PDK1: variants seen among roughly 807,000 people sequenced by gnomAD.
PDK1 encodes [Pyruvate dehydrogenase (acetyl-transferring)] kinase isozyme 1, mitochondrial.
In PDK1, 39 loss-of-function variants were observed where a neutral mutation model predicts 54.2. The ratio of observed to expected loss-of-function variants is 0.72; its 90% CI spans 0.56 to 0.94. PDK1 has a LOEUF of 0.94. Ranked by LOEUF, PDK1 falls within the 40% of genes least tolerant of loss-of-function variation. PDK1 has a pLI of 0.00. For synonymous variants in PDK1, 221 were observed against 207.1 expected (o/e 1.07, Z -0.58); for missense variants, 552 against 566.0 (o/e 0.98, Z 0.25).
chr2:172,661,466 T>C, the PDK1 span, among the ~76,000 whole-genome samples: 22,583 of 152,206 alleles, frequency 0.15, 2,942 homozygotes, highest in East Asian at 0.53. Flanking sequence ...TACTGCTACA[T>C]GTCCTGCCCA....
chr2:172,692,726 T>C, the PDK1 span, among the ~76,000 whole-genome samples: 1 of 152,164 alleles, frequency 6.6e-6, no homozygotes, highest in Non-Finnish European at 1.5e-5. Context: ...CATGAGGTGA[T>C]GCCAGGGCGT....
At chr2:172,654,665 CAAGTT>C in the PDK1 span, among the ~76,000 whole-genome samples, 1 of 152,060 alleles carries the variant, frequency 6.6e-6, no homozygotes, top group Non-Finnish European at 1.5e-5. Context: ...ATGTAAATGA[CAAGTT>C]AACGAGTGCA....
the PDK1 span, among the ~76,000 whole-genome samples, chr2:172,632,991 A>AAAAAAAAAAAAAAAAAACAAAAAAC: frequency 5.3e-3 from 788 of 147,430 alleles, 38 homozygotes; most frequent in African/African-American, 0.02. Flanking sequence ...AAAAAAAAAA[A>AAAAAAAAAAAAAAAAAACAAAAAAC]AAGGAACATA....
the PDK1 span, among the ~76,000 whole-genome samples, chr2:172,647,800 C>G: frequency 7.0e-6 from 1 of 142,496 alleles, no homozygotes; most frequent in Admixed American, 7.4e-5. Flanking sequence ...GTTTCAAAGT[C>G]TTTACCACAA....
the PDK1 span, among the ~76,000 whole-genome samples, chr2:172,621,925 A>G: frequency 6.7e-6 from 1 of 148,710 alleles, no homozygotes; most frequent in South Asian, 2.1e-4. Flanking sequence ...CCTATATGAT[A>G]TATGTTTATA....
At chr2:172,647,779 A>G in the PDK1 span, among the ~76,000 whole-genome samples, 1 of 152,096 alleles carries the variant, frequency 6.6e-6, no homozygotes, top group East Asian at 1.9e-4. Context: ...GAGAAACAGA[A>G]TAGTTGCAGA....
the PDK1 span, chr2:172,723,649 C>T: frequency 6.6e-6 from 1 of 152,128 alleles, no homozygotes; most frequent in East Asian, 1.9e-4. Flanking sequence ...TCCATTGAGT[C>T]CTGGATAACA....
the PDK1 span, among the ~76,000 whole-genome samples, chr2:172,687,613 G>T: frequency 6.6e-6 from 1 of 152,110 alleles, no homozygotes; most frequent in Non-Finnish European, 1.5e-5. Flanking sequence ...AGGCATGGTG[G>T]ATTACATGGT....
At chr2:172,683,874 G>A in the PDK1 span, among the ~76,000 whole-genome samples, 18 of 152,202 alleles carry the variant, frequency 1.2e-4, no homozygotes, top group Admixed American at 4.6e-4. Context: ...GTACTTAGAT[G>A]TTCAGGGCCT....
chr2:172,562,692 C>G (rs144077428), intron 3 of PDK1: 18,966 of 1,016,898 alleles, frequency 0.019, 309 homozygotes, highest in South Asian at 0.05. Flanking sequence ...TGTAAAATCT[C>G]TCACTTTTGA....
chr2:172,711,662 C>T, the PDK1 span, among the ~76,000 whole-genome samples: 1 of 151,844 alleles, frequency 6.6e-6, no homozygotes. Flanking sequence ...TCCAGGAACT[C>T]GAGACCAGTC....
chr2:172,673,721 T>C, the PDK1 span, among the ~76,000 whole-genome samples: 1 of 152,186 alleles, frequency 6.6e-6, no homozygotes, highest in Non-Finnish European at 1.5e-5. Context: ...GTCTGACATA[T>C]TGATAAAAGG....
the PDK1 span, among the ~76,000 whole-genome samples, chr2:172,696,867 A>T: frequency 6.6e-6 from 1 of 152,196 alleles, no homozygotes; most frequent in Non-Finnish European, 1.5e-5. Flanking sequence ...AAAGTGTTAC[A>T]CACCTTTGAA....
At chr2:172,586,486 C>T in intron 9 of PDK1, 98 bp downstream of exon 9, 1 of 645,922 alleles carries the variant, frequency 1.5e-6, no homozygotes, top group Non-Finnish European at 2.8e-6. Flanking sequence ...TAGGGTACTC[C>T]ACAAGGAAGA....
intron 9 of PDK1, among the ~76,000 whole-genome samples, chr2:172,587,181 G>A (rs1690279654): frequency 6.6e-6 from 1 of 152,218 alleles, no homozygotes; most frequent in South Asian, 2.1e-4. Context: ...CTGACTTCAA[G>A]AATGAAGCTG....
chr2:172,658,848 C>T, the PDK1 span, among the ~76,000 whole-genome samples: 7 of 152,272 alleles, frequency 4.6e-5, no homozygotes, highest in African/African-American at 1.7e-4. Context: ...TGCTCTCAAA[C>T]CCTGTTTTCT....
At position 172,556,190 on chromosome 2, in the gene PDK1, G is replaced by A. The variant is rs1396488536; in HGVS notation, c.40G>A (p.Gly14Ser). 7.1e-7 allele frequency: 1 copy of A among 1,416,808 alleles called. No individual in the cohort carries two copies. The highest frequency in any genetic ancestry group is 1.5e-5 in the South Asian group (1 of 67,588). The allele number at this position is 1,416,808 out of a possible 1,614,324, so 87.8% of individuals were successfully genotyped here. The change falls in exon 1 of 11, where the codon GGC (glycine) becomes AGC (serine). Residue 14 changes from glycine (G) to serine (S), a missense_variant. Physicochemically the swap from Gly to Ser is moderately conservative, Grantham distance 56 (BLOSUM62 0). Coordinates refer to ENST00000282077, the MANE Select transcript of PDK1 (RefSeq NM_002610.5). ...ARLLRGAALA[G>S]PGPGLRAAGF... is the part of the protein sequence containing the mutation. ...GCTGCTTCGCGGAGCCGCCTTGGCC[G>A]GCCCGGGCCCGGGGCTGCGCGCCGC...
In PDK1 at chr2:172,606,974, TA is replaced by T. The variant is rs1389806084; in HGVS notation, c.*11006del. ...GGGTCTTATTCCTGGGATCTTTCTC[TA>T]CAGTGGTATGATTATATAAGGGTGG... On this transcript the variant is annotated 3_prime_UTR_variant, in exon 11 of 11. Coordinates refer to ENST00000282077, the MANE Select transcript of PDK1 (RefSeq NM_002610.5). 5.3e-5 allele frequency: 8 copies of T among 152,218 alleles called. No individual in the cohort carries two copies. Among genetic ancestry groups the T allele is most frequent in the Non-Finnish European group, 1.0e-4 (7 of 68,040 alleles). The allele number at this position is 152,218 out of a possible 1,614,324, so 9.4% of individuals were successfully genotyped here. A position where few individuals can be genotyped will look rare whatever the true frequency, so the allele number is the denominator to read the frequency against.
chr2:172,557,655 T>G (rs1216727982), intron 1 of PDK1, among the ~76,000 whole-genome samples: 1 of 148,192 alleles, frequency 6.7e-6, no homozygotes, highest in Admixed American at 6.7e-5. Context: ...GTATTTTTTT[T>G]TAAAAATAGA....
Sources: allele counts gnomAD v4.1 joint callset (sites outside exome capture counted in the v4.1 genomes callset), GRCh38; gene constraint gnomAD v4.1.1; transcripts MANE v1.5; gene names NCBI Gene and HGNC (gene_info 2026-07-23, HGNC 2026-07-21).